Variants in ARHGEF4 observed in about 807,000 individuals in gnomAD.
The protein encoded by ARHGEF4 is Rho guanine nucleotide exchange factor 4.
Under a neutral mutation model 162.0 loss-of-function variants are expected in ARHGEF4, and 119 were observed. The ratio of observed to expected loss-of-function variants is 0.73; its 90% CI spans 0.63 to 0.86. ARHGEF4 has a LOEUF of 0.86. Among genes scored for constraint, ARHGEF4 ranks in the 40% least tolerant of loss-of-function variants. ARHGEF4 has a pLI of 0.00. For synonymous variants in ARHGEF4, 1,014 were observed against 979.9 expected (o/e 1.03, Z -0.65); for missense variants, 2,488 against 2,456.0 (o/e 1.01, Z -0.28).
chr2:130,940,133 T>C (rs1479920821), intron 3 of ARHGEF4, among the ~76,000 whole-genome samples: 1 of 152,176 alleles, frequency 6.6e-6, no homozygotes, highest in Admixed American at 6.5e-5. Flanking sequence ...CTTCCAAATT[T>C]GTAGGTGTTT....
At chr2:130,919,975 A>G (rs1681773745) in intron 2 of ARHGEF4, among the ~76,000 whole-genome samples, 1 of 152,126 alleles carries the variant, frequency 6.6e-6, no homozygotes, top group Non-Finnish European at 1.5e-5. Flanking sequence ...ACTGGAAGGC[A>G]GATATTCCTG....
At chr2:130,971,176 T>C (rs1367258041) in intron 4 of ARHGEF4, among the ~76,000 whole-genome samples, 1 of 152,246 alleles carries the variant, frequency 6.6e-6, no homozygotes, top group Admixed American at 6.5e-5. Flanking sequence ...AGACTTTTTT[T>C]CTCCATTAAT....
chr2:130,848,515 G>C (rs1196849234), intron 1 of ARHGEF4, among the ~76,000 whole-genome samples: 3 of 152,160 alleles, frequency 2.0e-5, no homozygotes, highest in Non-Finnish European at 4.4e-5. Flanking sequence ...GGCACTGGAA[G>C]CCCTCCCCAC....
intron 1 of ARHGEF4, among the ~76,000 whole-genome samples, chr2:130,902,144 T>A (rs1680520070): frequency 6.6e-6 from 1 of 152,208 alleles, no homozygotes; most frequent in Admixed American, 6.5e-5. Flanking sequence ...TTCAATGGCA[T>A]TAGCCTCTCC....
chr2:130,953,943 A>T (rs981603614), intron 4 of ARHGEF4, among the ~76,000 whole-genome samples: 1 of 152,234 alleles, frequency 6.6e-6, no homozygotes, highest in Non-Finnish European at 1.5e-5. Context: ...GAATGCTCTT[A>T]CACTGTTGGT....
In ARHGEF4 at chr2:131,046,507, A is replaced by C; in HGVS notation, c.*318A>C. On this transcript the variant is annotated 3_prime_UTR_variant, in exon 14 of 14. Coordinates refer to ENST00000409359, the MANE Select transcript of ARHGEF4 (RefSeq NM_001367493.1). ...GGAAACCGCAGCTCAGCCCAGGCCC[A>C]GCTGGGGAGAAGGCGCTACCTGCGT... The C allele has an allele frequency of 3.3e-6, 1 of 302,544 alleles. No homozygotes were observed. Among genetic ancestry groups the C allele is most frequent in the Non-Finnish European group, 6.1e-6 (1 of 163,236 alleles). 18.7% of individuals were successfully genotyped at this position (302,544 alleles called of 1,614,324 possible).
At chr2:130,983,695 G>A (rs186416190) in intron 4 of ARHGEF4, among the ~76,000 whole-genome samples, 63 of 151,688 alleles carry the variant, frequency 4.2e-4, no homozygotes, top group Non-Finnish European at 8.2e-4. Context: ...TGTTGCCCAG[G>A]CTGGAGTACA....
rs1006750267 is a variant in ARHGEF4 at position 130,857,189 on chromosome 2, G to A, written c.39+20197G>A. On this transcript the variant is annotated intron_variant, in intron 1 of 13. Transcript: ENST00000409359. Reference sequence around the variant, plus strand: ...GAAGCTTGCGGTGAGCCGAGATCGCGTCACTGCACTCCAGCCTGGGCGACA... The same window carrying A: ...GAAGCTTGCGGTGAGCCGAGATCGCATCACTGCACTCCAGCCTGGGCGACA... Among the ~76,000 whole-genome samples, 8 of 152,062 alleles carry A rather than the reference G, an allele frequency of 5.3e-5. No individual in the cohort carries two copies. The South Asian group carries it at 6.2e-4, about 12-fold the overall frequency.
intron 1 of ARHGEF4, among the ~76,000 whole-genome samples, chr2:130,888,898 C>T (rs1279881092): frequency 6.6e-6 from 1 of 151,672 alleles, no homozygotes; most frequent in Non-Finnish European, 1.5e-5. Flanking sequence ...GTCAGGAGCT[C>T]GAGAGCAGCC....
intron 2 of ARHGEF4, among the ~76,000 whole-genome samples, chr2:130,920,802 A>G (rs1681827949): frequency 6.6e-6 from 1 of 152,248 alleles, no homozygotes; most frequent in Non-Finnish European, 1.5e-5. Flanking sequence ...TATATATGTA[A>G]CATAGCTGTG....
At chr2:130,850,336 C>T (rs1331160083) in intron 1 of ARHGEF4, among the ~76,000 whole-genome samples, 3 of 152,186 alleles carry the variant, frequency 2.0e-5, no homozygotes, top group Admixed American at 1.3e-4. Context: ...CTCAGGACAC[C>T]ATGGAGAGCT....
intron 3 of ARHGEF4, among the ~76,000 whole-genome samples, chr2:130,934,456 C>G (rs935376799): frequency 1.3e-5 from 2 of 152,126 alleles, no homozygotes; most frequent in African/African-American, 4.8e-5. Flanking sequence ...ATTACTGATT[C>G]AATTCTTTTT....
rs148036417 is a variant in ARHGEF4 at position 130,936,258 on chromosome 2, T to C, written c.3858+5001T>C. On this transcript the variant is annotated intron_variant, in intron 3 of 13. Transcript: ENST00000409359. Reference sequence around the variant, plus strand: ...TTTCCTCACTGACCTTATGTCCGTTTATTATTGGAAGGGTGTTGAAGTCTC... The same window carrying C: ...TTTCCTCACTGACCTTATGTCCGTTCATTATTGGAAGGGTGTTGAAGTCTC... Among the ~76,000 whole-genome samples the C allele has an allele frequency of 3.7e-4, 56 of 152,326 alleles. 1 individual carries two copies. In the East Asian group the frequency reaches 8.3e-3, roughly 23 times the overall value.
At chr2:130,837,386 G>A in intron 1 of ARHGEF4, 1 of 340,862 alleles carries the variant, frequency 2.9e-6, no homozygotes, top group East Asian at 1.1e-4. Flanking sequence ...GCTTGGCGCA[G>A]TACCAGCTGT....
At chr2:130,895,759 T>A (rs1259551355) in intron 1 of ARHGEF4, among the ~76,000 whole-genome samples, 2 of 152,214 alleles carry the variant, frequency 1.3e-5, no homozygotes, top group Non-Finnish European at 2.9e-5. Context: ...AGATACATAT[T>A]TTTTCAAATC....
At chr2:130,973,756 A>G (rs558959397) in intron 4 of ARHGEF4, among the ~76,000 whole-genome samples, 1 of 152,340 alleles carries the variant, frequency 6.6e-6, no homozygotes, top group South Asian at 2.1e-4. Context: ...AATCAGCAGT[A>G]ACATATCCAA....
At chr2:130,999,141 G>A (rs1484581989) in intron 4 of ARHGEF4, among the ~76,000 whole-genome samples, 1 of 151,440 alleles carries the variant, frequency 6.6e-6, no homozygotes. Flanking sequence ...TCTTATAATT[G>A]AGGGTTTTTT....
chr2:130,978,802 C>T (rs1685922783), intron 4 of ARHGEF4, among the ~76,000 whole-genome samples: 1 of 151,778 alleles, frequency 6.6e-6, no homozygotes, highest in African/African-American at 2.4e-5. Context: ...AAAGAATCAG[C>T]AATATTTCAA....
At position 130,881,153 on chromosome 2, in the gene ARHGEF4, C is replaced by T. The variant is rs139462844; in HGVS notation, c.40-32833C>T. On this transcript the variant is annotated intron_variant, in intron 1 of 13. Coordinates refer to ENST00000409359, the MANE Select transcript of ARHGEF4 (RefSeq NM_001367493.1). Reference sequence around the variant, plus strand: ...GTTCAAATGATTCTCCTGTCTCTGCCGCCCAGTAGCTGGGACTACGTGCAC... The same window carrying T: ...GTTCAAATGATTCTCCTGTCTCTGCTGCCCAGTAGCTGGGACTACGTGCAC... 3.7e-3 allele frequency among the ~76,000 whole-genome samples: 559 copies of T among 152,146 alleles called. 4 individuals are homozygous for T. Among genetic ancestry groups the T allele is most frequent in the African/African-American group, 0.013 (533 of 41,502 alleles).
Sources: allele counts gnomAD v4.1 joint callset (sites outside exome capture counted in the v4.1 genomes callset), GRCh38; gene constraint gnomAD v4.1.1; transcripts MANE v1.5; gene names NCBI Gene and HGNC (gene_info 2026-07-23, HGNC 2026-07-21).